CLPTM1L: variants seen among roughly 807,000 people sequenced by gnomAD.
CLPTM1L encodes lipid scramblase CLPTM1L.
A neutral mutation model predicts 70.9 loss-of-function variants in CLPTM1L; 38 were observed. That is an observed-to-expected ratio of 0.54 (90% CI 0.41 to 0.70). CLPTM1L has a LOEUF of 0.70. Among genes scored for constraint, CLPTM1L ranks in the 30% least tolerant of loss-of-function variants. CLPTM1L has a pLI of 0.00. For missense variants in CLPTM1L, 652 were observed against 705.9 expected, an observed-to-expected ratio of 0.92 and a Z score of 0.87; for synonymous variants, 339 against 299.9, an observed-to-expected ratio of 1.13 and a Z score of -1.35.
At position 1,341,824 on chromosome 5, in the gene CLPTM1L, G is replaced by T. The variant is rs1183619256; in HGVS notation, c.300C>A (p.Asn100Lys). 1 of 1,613,788 alleles carries T rather than the reference G, an allele frequency of 6.2e-7. No homozygotes were observed. The highest frequency in any genetic ancestry group is 8.5e-7 in the Non-Finnish European group (1 of 1,179,890). ...VNVSVPKKTR[N>K]NGTLYAYIFL... Reference sequence around the variant, plus strand: ...AGATGTAGGCATACAGCGTCCCATTGTTTCTCGTTTTCTTTGGTACAGAAA... The same window carrying T: ...AGATGTAGGCATACAGCGTCCCATTTTTTCTCGTTTTCTTTGGTACAGAAA... The change falls in exon 3 of 17, where the codon AAC becomes AAA. Residue 100 changes from asparagine to lysine, a missense_variant. Asn to Lys is a moderately conservative substitution (Grantham distance 94, BLOSUM62 0). Transcript: ENST00000320895.
At chr5:1,322,016 G>A (rs888110600) in intron 13 of CLPTM1L, among the ~76,000 whole-genome samples, 197 bp from the exon 14 acceptor site, 3 of 152,224 alleles carry the variant, frequency 2.0e-5, no homozygotes, top group East Asian at 1.9e-4. Flanking sequence ...TTTATCAAGA[G>A]TCTACGACAA....
intron 4 of CLPTM1L, 97 bp from the exon 5 acceptor site, chr5:1,338,079 C>T (rs1288897869): frequency 1.0e-6 from 1 of 958,484 alleles, no homozygotes; most frequent in African/African-American, 1.6e-5. Context: ...AGAGAAGTGC[C>T]CCCAGCACCA....
Position 1,322,868 on chromosome 5 carries a change from T to A in CLPTM1L, c.1315+9A>T, listed in dbSNP as rs1163933021. The A allele has an allele frequency of 1.2e-6, 2 of 1,613,742 alleles. No individual in the cohort carries two copies. Among genetic ancestry groups the A allele is most frequent in the Non-Finnish European group, 1.7e-6 (2 of 1,179,706 alleles). ...ACTAGTACTGAAGCAGGGAAGCACA[T>A]GGACTCACCGTTGACGAAGCTGTTG... On this transcript the variant is annotated intron_variant, in intron 13 of 16. Coordinates refer to ENST00000320895, the MANE Select transcript of CLPTM1L (RefSeq NM_030782.5).
chr5:1,332,033 G>A (rs1456331116), intron 7 of CLPTM1L, 150 bp from the exon 8 acceptor site: 2 of 657,406 alleles, frequency 3.0e-6, no homozygotes, highest in Non-Finnish European at 5.4e-6. Flanking sequence ...CGGGACCCAT[G>A]CCTCTACGCG....
intron 9 of CLPTM1L, among the ~76,000 whole-genome samples, chr5:1,329,924 G>T (rs1356268144): frequency 7.2e-6 from 1 of 138,066 alleles, no homozygotes; most frequent in Non-Finnish European, 1.5e-5. Context: ...CTCTCTGCTT[G>T]GTGGACAGGG....
chr5:1,333,933 G>T (rs1036112876), intron 7 of CLPTM1L, among the ~76,000 whole-genome samples: 1 of 152,096 alleles, frequency 6.6e-6, no homozygotes. Context: ...GCATGGGGTC[G>T]GGGCCTGGGC....
intron 4 of CLPTM1L, 111 bp downstream of exon 4, chr5:1,338,749 G>T: frequency 7.8e-7 from 1 of 1,274,080 alleles, no homozygotes; most frequent in Non-Finnish European, 1.1e-6. Context: ...GGCAGCAAGT[G>T]CCTCCCCACA....
intron 6 of CLPTM1L, 86 bp downstream of exon 6, chr5:1,334,971 C>T (rs955341394): frequency 3.9e-5 from 37 of 958,430 alleles, no homozygotes; most frequent in Non-Finnish European, 5.9e-5. Context: ...GGCGAGGAGG[C>T]CCCGGCCTGT....
chr5:1,327,451 A>G (rs1752680058), intron 9 of CLPTM1L, among the ~76,000 whole-genome samples: 1 of 145,516 alleles, frequency 6.9e-6, no homozygotes, highest in African/African-American at 2.6e-5. Context: ...CTCCTCCTCT[A>G]CAGGGACATT....
intron 15 of CLPTM1L, 51 bp downstream of exon 15, chr5:1,321,584 G>C (rs767806488): frequency 4.5e-6 from 7 of 1,545,388 alleles, no homozygotes; most frequent in Non-Finnish European, 6.3e-6. Flanking sequence ...AGACGCCCTT[G>C]CTCACGCTCT....
chr5:1,335,154 G>A lies in CLPTM1L; in HGVS notation c.699C>T (p.Thr233=), dbSNP rs747860215. The A allele has an allele frequency of 2.7e-5, 44 of 1,613,524 alleles. No homozygotes were observed. The highest frequency in any genetic ancestry group is 3.5e-5 in the Non-Finnish European group (41 of 1,179,998). ...KDLMVINRST[T]ELPLTVSYDK... The stretch of plus-strand genomic sequence containing the variant: ...CGTAGGACACGGTGAGGGGCAGCTC[G>A]GTGGTGGAGCGGTTTATGACCTGAT... Residue 233 remains threonine (T), a synonymous_variant, in exon 6 of 17, where the codon ACC becomes ACT. Coordinates refer to ENST00000320895, the MANE Select transcript of CLPTM1L (RefSeq NM_030782.5).
chr5:1,333,692 CACCGCAAG>C (rs1753336509), intron 7 of CLPTM1L, among the ~76,000 whole-genome samples: 1 of 105,340 alleles, frequency 9.5e-6, no homozygotes. Flanking sequence ...ACTGTAGACA[CACCGCAAG>C]AGGATAAGGG....
intron 9 of CLPTM1L, 89 bp downstream of exon 9, chr5:1,330,191 A>T: frequency 9.7e-7 from 1 of 1,031,632 alleles, no homozygotes. Flanking sequence ...GCTTCCACAG[A>T]AGGTCTCAGG....
intron 3 of CLPTM1L, among the ~76,000 whole-genome samples, chr5:1,341,384 G>A (rs1411306701): frequency 1.3e-4 from 20 of 152,354 alleles, no homozygotes; most frequent in African/African-American, 9.6e-5. Flanking sequence ...ACCAGGTGCA[G>A]TAGGTGCCCC....
intron 3 of CLPTM1L, among the ~76,000 whole-genome samples, chr5:1,339,812 G>C (rs1394130818): frequency 9.8e-6 from 1 of 101,724 alleles, no homozygotes; most frequent in Non-Finnish European, 2.0e-5. Context: ...CACACAGACG[G>C]GCAAACTGTG....
chr5:1,336,147 C>T (rs1367255462), intron 5 of CLPTM1L, among the ~76,000 whole-genome samples: 1 of 152,228 alleles, frequency 6.6e-6, no homozygotes, highest in Admixed American at 6.5e-5. Flanking sequence ...GGCCTCCAGG[C>T]ACCCCTCGAG....
intron 12 of CLPTM1L, 121 bp from the exon 13 acceptor site, chr5:1,323,032 G>T: frequency 2.0e-6 from 2 of 979,290 alleles, no homozygotes; most frequent in Non-Finnish European, 3.2e-6. Flanking sequence ...TCTCACGGCA[G>T]CTCGGCAGCC....
At position 1,338,969 on chromosome 5, in the gene CLPTM1L, C is replaced by T; in HGVS notation, c.490G>A (p.Asp164Asn). ...EAEKKPTSAL[D>N]EPVSHWRPRL... Reference sequence around the variant, plus strand: ...GGTCGCCAGTGGGACACTGGCTCATCCAGGGCACTCGTCGGCTTCTTCTCC... The same window carrying T: ...GGTCGCCAGTGGGACACTGGCTCATTCAGGGCACTCGTCGGCTTCTTCTCC... The change falls in exon 4 of 17, where the codon GAT becomes AAT. Residue 164 changes from aspartate (D) to asparagine (N), a missense_variant. Around this residue, in one of 3 missense-constraint regions of CLPTM1L, gnomAD observed 402 missense variants for 388.2 expected, o/e 1.04. Transcript: ENST00000320895. 1 of 1,613,362 alleles carries T rather than the reference C, an allele frequency of 6.2e-7. No homozygotes were observed. Among genetic ancestry groups the T allele is most frequent in the Non-Finnish European group, 8.5e-7 (1 of 1,180,010 alleles).
In CLPTM1L at chr5:1,344,494, G is replaced by T. The variant is rs546533405; in HGVS notation, c.163-43C>A. On this transcript the variant is annotated intron_variant, in intron 1 of 16. Transcript: ENST00000320895. ...TCGAGAGTCAGCTCGGCCAGGCCCT[G>T]GCAGGACGCACTCAAATCCCACGGC... 3.8e-6 allele frequency: 6 copies of T among 1,562,532 alleles called. No homozygotes were observed. In the South Asian group the frequency reaches 6.7e-5, roughly 17 times the overall value.
Sources: gnomAD v4.1 joint callset for allele counts (sites outside exome capture counted in the v4.1 genomes callset) on GRCh38, gnomAD v4.1.1 for gene constraint, gnomAD v4.1.1 regional missense constraint, MANE v1.5 for transcripts, NCBI Gene and HGNC (gene_info 2026-07-23, HGNC 2026-07-21) for gene names.